The following SERINC1 variants were observed in gnomAD, a reference collection of about 807,000 sequenced individuals.
The protein encoded by SERINC1 is serine incorporator 1.
A neutral mutation model predicts 52.9 loss-of-function variants in SERINC1; 38 were observed. The observed-to-expected ratio is 0.72, with a 90% confidence interval of 0.55 to 0.94. SERINC1 has a LOEUF of 0.94. Ranked by LOEUF, SERINC1 falls within the 40% of genes least tolerant of loss-of-function variation. SERINC1 has a pLI of 0.00. For synonymous variants in SERINC1, 198 were observed against 183.1 expected, an observed-to-expected ratio of 1.08 and a Z score of -0.66; for missense variants, 471 against 533.9, an observed-to-expected ratio of 0.88 and a Z score of 1.16.
intron 3 of SERINC1, 43 bp downstream of exon 3, chr6:122,456,438 A>T: frequency 7.9e-7 from 1 of 1,266,038 alleles, no homozygotes; most frequent in Non-Finnish European, 1.1e-6. Context: ...TATCAAGAAG[A>T]GGCTACCCAA....
At chr6:122,462,387 G>A (rs1054167656) in intron 1 of SERINC1, among the ~76,000 whole-genome samples, 1 of 151,974 alleles carries the variant, frequency 6.6e-6, no homozygotes, top group Admixed American at 6.6e-5. Context: ...AGGCAAGAAA[G>A]AAAATAAAAC....
chr6:122,459,797 A>C (rs968226946), intron 1 of SERINC1, among the ~76,000 whole-genome samples: 1 of 152,200 alleles, frequency 6.6e-6, no homozygotes, highest in East Asian at 1.9e-4. Context: ...AGTGGAAATC[A>C]AAGGGCTAAA....
chr6:122,459,042 A>G (rs1265381827), intron 1 of SERINC1, among the ~76,000 whole-genome samples: 1 of 152,174 alleles, frequency 6.6e-6, no homozygotes, highest in Non-Finnish European at 1.5e-5. Flanking sequence ...CCTGACCTTT[A>G]GCCCCCAGAT....
chr6:122,446,542 A>C (rs1375621502), intron 9 of SERINC1, among the ~76,000 whole-genome samples: 1 of 152,216 alleles, frequency 6.6e-6, no homozygotes, highest in Non-Finnish European at 1.5e-5. Flanking sequence ...AGTTTCATGA[A>C]AATTTTTATT....
At chr6:122,454,885 T>C (rs1467262073) in intron 3 of SERINC1, among the ~76,000 whole-genome samples, 2 of 152,200 alleles carry the variant, frequency 1.3e-5, no homozygotes, top group African/African-American at 2.4e-5. Flanking sequence ...ACTTCCTCCT[T>C]GTTTTGTCAA....
chr6:122,471,426 G>T (rs1289647023), intron 1 of SERINC1, among the ~76,000 whole-genome samples: 1 of 152,070 alleles, frequency 6.6e-6, no homozygotes, highest in Non-Finnish European at 1.5e-5. Flanking sequence ...AAGCAGGGGT[G>T]GGGGAGGGGC....
chr6:122,464,684 A>G (rs1055997810), intron 1 of SERINC1, among the ~76,000 whole-genome samples: 29 of 152,224 alleles, frequency 1.9e-4, no homozygotes, highest in African/African-American at 6.8e-4. Flanking sequence ...TCCGGCACCA[A>G]TAAATCCTTT....
chr6:122,471,717 C>G lies in SERINC1; in HGVS notation c.21G>C (p.Leu7=), dbSNP rs756206219. The change falls in exon 1 of 10, where the codon CTG becomes CTC. Residue 7 remains leucine (L), a synonymous_variant. Coordinates refer to ENST00000339697, the MANE Select transcript of SERINC1 (RefSeq NM_020755.4). MGSVLG[L]CSMASWIPCL... ...ACCTTACCCAGCTCGCCATGGAGCA[C>G]AGCCCCAGGACGCTCCCCATCTCCA... 85 of 1,614,092 alleles carry G rather than the reference C, an allele frequency of 5.3e-5. No individual in the cohort carries two copies. The highest frequency in any genetic ancestry group is 6.9e-5 in the Non-Finnish European group (82 of 1,180,020).
At position 122,454,176 on chromosome 6, in the gene SERINC1, G is replaced by A; in HGVS notation, c.426C>T (p.Phe142=). The A allele has an allele frequency of 6.3e-7, 1 of 1,589,666 alleles. No homozygotes were observed. Among genetic ancestry groups the A allele is most frequent in the Non-Finnish European group, 8.6e-7 (1 of 1,167,676 alleles). Residue 142 remains phenylalanine (F), a synonymous_variant, in exon 4 of 10, where the codon TTC becomes TTT. Coordinates refer to ENST00000339697, the MANE Select transcript of SERINC1 (RefSeq NM_020755.4). The stretch of plus-strand genomic sequence containing the variant: ...CAGTTGTAAAAGTTCCTTCTGGAAT[G>A]AAGAATGCCCCAATAATAATTGCAA... ...AAIAIIIGAF[F]IPEGTFTTVW... is the part of the protein sequence containing the mutation.
intron 1 of SERINC1, among the ~76,000 whole-genome samples, chr6:122,460,975 T>C (rs907915133): frequency 2.0e-5 from 3 of 151,852 alleles, no homozygotes; most frequent in Non-Finnish European, 2.9e-5. Flanking sequence ...AGATTAATAA[T>C]GAACCTGAAG....
At chr6:122,471,639 G>A (rs937340524) in intron 1 of SERINC1, 60 bp downstream of exon 1, 33 of 1,610,344 alleles carry the variant, frequency 2.0e-5, no homozygotes, top group African/African-American at 4.0e-5. Flanking sequence ...GCCCCGGCTC[G>A]GATCGCCTTC....
chr6:122,455,649 A>G (rs1407527136), intron 3 of SERINC1, among the ~76,000 whole-genome samples: 4 of 152,150 alleles, frequency 2.6e-5, no homozygotes, highest in Non-Finnish European at 4.4e-5. Flanking sequence ...AGAGAACCCT[A>G]ATACACTTGA....
At chr6:122,468,447 T>C (rs1775222479) in intron 1 of SERINC1, among the ~76,000 whole-genome samples, 1 of 152,222 alleles carries the variant, frequency 6.6e-6, no homozygotes, top group African/African-American at 2.4e-5. Context: ...AGCAAAACTG[T>C]GTCCAGTTGA....
At chr6:122,452,820 A>G (rs1774934882) in intron 5 of SERINC1, among the ~76,000 whole-genome samples, 1 of 152,192 alleles carries the variant, frequency 6.6e-6, no homozygotes, top group Non-Finnish European at 1.5e-5. Flanking sequence ...CCAAATGACT[A>G]AAGCTTATTT....
At chr6:122,462,436 A>C (rs1775121277) in intron 1 of SERINC1, among the ~76,000 whole-genome samples, 1 of 152,160 alleles carries the variant, frequency 6.6e-6, no homozygotes. Flanking sequence ...TGCCCTCTTC[A>C]CATATAACAC....
At chr6:122,462,815 T>C (rs34932715) in intron 1 of SERINC1, among the ~76,000 whole-genome samples, 19,054 of 152,130 alleles carry the variant, frequency 0.13, 1,332 homozygotes, top group East Asian at 0.21. Flanking sequence ...TACAAAACAT[T>C]GGTGAAAGAA....
intron 9 of SERINC1, among the ~76,000 whole-genome samples, 188 bp downstream of exon 9, chr6:122,446,586 T>C (rs1774807595): frequency 6.6e-6 from 1 of 152,192 alleles, no homozygotes; most frequent in African/African-American, 2.4e-5. Context: ...TATTTCAATG[T>C]TTGTGTTACT....
At chr6:122,450,142 T>C (rs1774879678) in intron 7 of SERINC1, among the ~76,000 whole-genome samples, 1 of 152,248 alleles carries the variant, frequency 6.6e-6, no homozygotes, top group Admixed American at 6.5e-5. Flanking sequence ...AGTCAGTCAA[T>C]GCCTGGCTTC....
chr6:122,468,997 T>C (rs1775230364), intron 1 of SERINC1, among the ~76,000 whole-genome samples: 1 of 152,186 alleles, frequency 6.6e-6, no homozygotes, highest in Non-Finnish European at 1.5e-5. Flanking sequence ...GTTATAGTTA[T>C]AGGATTAGTT....
Sources: gnomAD v4.1 joint callset for allele counts (sites outside exome capture counted in the v4.1 genomes callset) on GRCh38, gnomAD v4.1.1 for gene constraint, MANE v1.5 for transcripts, NCBI Gene and HGNC (gene_info 2026-07-23, HGNC 2026-07-21) for gene names.